Variants in ANO4 observed in about 807,000 individuals in gnomAD.
The protein encoded by ANO4 is anoctamin 4.
In ANO4, 69 loss-of-function variants were observed where a neutral mutation model predicts 141.9. That is an observed-to-expected ratio of 0.49 (90% CI 0.40 to 0.59). The LOEUF (loss-of-function observed/expected upper bound fraction) is 0.59, where lower values mean the gene tolerates loss of function less well. ANO4 is among the 20% of genes least tolerant of loss of function. ANO4 has a pLI of 0.00. For missense variants in ANO4, 894 were observed against 1,162.2 expected (o/e 0.77, Z 3.36); for synonymous variants, 350 against 394.3 (o/e 0.89, Z 1.33).
chr12:100,892,799 A>G (rs561838502), intron 1 of ANO4, among the ~76,000 whole-genome samples: 12 of 151,416 alleles, frequency 7.9e-5, no homozygotes, highest in Admixed American at 5.9e-4. Context: ...TTTTTTCTGA[A>G]TATTTTCTAT....
chr12:100,941,708 C>T (rs2042518536), intron 4 of ANO4, among the ~76,000 whole-genome samples: 1 of 151,976 alleles, frequency 6.6e-6, no homozygotes, highest in Non-Finnish European at 1.5e-5. Flanking sequence ...TCTAGGCTTA[C>T]ATGTTATGCA....
intron 8 of ANO4, among the ~76,000 whole-genome samples, chr12:101,000,254 T>A (rs2045580566): frequency 6.6e-6 from 1 of 152,212 alleles, no homozygotes; most frequent in Non-Finnish European, 1.5e-5. Context: ...ATAACTGACC[T>A]GAACTGGAAT....
chr12:100,921,628 T>C (rs968523163), intron 2 of ANO4, among the ~76,000 whole-genome samples: 3 of 152,134 alleles, frequency 2.0e-5, no homozygotes, highest in African/African-American at 4.8e-5. Flanking sequence ...ATAAAAACTT[T>C]CTTTCTTTAG....
chr12:101,006,851 A>G (rs1382506995), intron 8 of ANO4, among the ~76,000 whole-genome samples: 6 of 152,226 alleles, frequency 3.9e-5, no homozygotes, highest in Admixed American at 3.9e-4. Flanking sequence ...GAGGACACAG[A>G]GAAACTTCAA....
At chr12:101,012,592 G>A (rs544898985) in intron 8 of ANO4, among the ~76,000 whole-genome samples, 20 of 152,200 alleles carry the variant, frequency 1.3e-4, no homozygotes, top group Non-Finnish European at 1.5e-4. Flanking sequence ...GCAAAGGGAA[G>A]AAAGGAGATA....
At chr12:100,880,118 G>T (rs2135953515) in intron 1 of ANO4, among the ~76,000 whole-genome samples, 1 of 152,288 alleles carries the variant, frequency 6.6e-6, no homozygotes, top group Admixed American at 6.5e-5. Flanking sequence ...ATAGGAAGAA[G>T]TGGGTAACAT....
rs935775582 is a variant in ANO4 at position 101,101,836 on chromosome 12, A to G, written c.2149+2116A>G. Among the ~76,000 whole-genome samples, 3 of 152,130 alleles carry G rather than the reference A, an allele frequency of 2.0e-5. No homozygotes were observed. In the South Asian group the frequency reaches 6.2e-4, roughly 31 times the overall value. On this transcript the variant is annotated intron_variant, in intron 22 of 27. Transcript: ENST00000392977. ...GGTGGCTCACACCTGTAATCCTAGC[A>G]CTTTGGGAGGCCAAGGCAGGTGGAT...
intron 1 of ANO4, among the ~76,000 whole-genome samples, chr12:100,868,826 G>A (rs1593575538): frequency 6.6e-6 from 1 of 152,284 alleles, no homozygotes; most frequent in East Asian, 1.9e-4. Context: ...AATATTTTAG[G>A]CTTTGTGAGC....
At chr12:100,971,684 C>A (rs1039805625) in intron 6 of ANO4, among the ~76,000 whole-genome samples, 4 of 152,084 alleles carry the variant, frequency 2.6e-5, no homozygotes, top group African/African-American at 9.7e-5. Flanking sequence ...TTCCAAAGTG[C>A]CATTTTTAGA....
At chr12:100,935,394 T>A (rs2042244861) in intron 3 of ANO4, among the ~76,000 whole-genome samples, 1 of 152,222 alleles carries the variant, frequency 6.6e-6, no homozygotes, top group Non-Finnish European at 1.5e-5. Context: ...TGGATTAAGT[T>A]TATTGTTTTG....
At chr12:100,982,687 A>C (rs775714093) in intron 7 of ANO4, among the ~76,000 whole-genome samples, 5 of 152,224 alleles carry the variant, frequency 3.3e-5, no homozygotes, top group Non-Finnish European at 7.3e-5. Flanking sequence ...CTGTTGGCTC[A>C]TAGAGGTTTA....
chr12:100,786,436 T>G (rs1188230254), intron 3 of ANO4, among the ~76,000 whole-genome samples: 1 of 152,192 alleles, frequency 6.6e-6, no homozygotes, highest in Non-Finnish European at 1.5e-5. Flanking sequence ...AAGCCACACC[T>G]GTTCTTGGAA....
At chr12:100,932,114 G>T (rs1173582330) in intron 3 of ANO4, among the ~76,000 whole-genome samples, 3 of 151,788 alleles carry the variant, frequency 2.0e-5, no homozygotes, top group Non-Finnish European at 2.9e-5. Flanking sequence ...TCTAGAGAAT[G>T]AATATAGATA....
intron 5 of ANO4, among the ~76,000 whole-genome samples, chr12:100,960,276 A>G (rs1052624608): frequency 6.6e-6 from 1 of 151,890 alleles, no homozygotes; most frequent in Non-Finnish European, 1.5e-5. Context: ...ACACACACAC[A>G]CCCTATAAAG....
chr12:100,736,573 G>A (rs570640043), intron 2 of ANO4, among the ~76,000 whole-genome samples: 2 of 152,240 alleles, frequency 1.3e-5, no homozygotes, highest in Admixed American at 6.5e-5. Context: ...ACCATGTCAG[G>A]GTGTTGGGTT....
At chr12:100,838,035 G>A (rs1424106588) in intron 1 of ANO4, among the ~76,000 whole-genome samples, 1 of 152,038 alleles carries the variant, frequency 6.6e-6, no homozygotes, top group Non-Finnish European at 1.5e-5. Context: ...GGGCCTGTTG[G>A]TGGCCATGGT....
intron 23 of ANO4, among the ~76,000 whole-genome samples, chr12:101,111,107 C>T (rs1390160321): frequency 6.6e-6 from 1 of 152,206 alleles, no homozygotes; most frequent in Non-Finnish European, 1.5e-5. Flanking sequence ...AAGAGAATTG[C>T]ATGTGGATGT....
chr12:100,855,773 C>T (rs149274912), intron 1 of ANO4, among the ~76,000 whole-genome samples: 1,909 of 152,266 alleles, frequency 0.013, 27 homozygotes, highest in African/African-American at 0.043. Context: ...AATAAATTCA[C>T]ATACCGACAT....
intron 15 of ANO4, among the ~76,000 whole-genome samples, chr12:101,082,368 C>A (rs1474376100): frequency 6.6e-6 from 1 of 152,150 alleles, no homozygotes; most frequent in East Asian, 1.9e-4. Context: ...ATAACTTACC[C>A]ATTCTTGGGT....
Sources: gnomAD v4.1 joint callset for allele counts (sites outside exome capture counted in the v4.1 genomes callset) on GRCh38, gnomAD v4.1.1 for gene constraint, MANE v1.5 for transcripts, NCBI Gene and HGNC (gene_info 2026-07-23, HGNC 2026-07-21) for gene names.